The following ME1 variants were observed in gnomAD, a reference collection of about 807,000 sequenced individuals.
The protein encoded by ME1 is NADP-dependent malic enzyme.
Under a neutral mutation model 66.4 loss-of-function variants are expected in ME1, and 74 were observed. That is an observed-to-expected ratio of 1.11 (90% CI 0.92 to 1.35). The LOEUF (loss-of-function observed/expected upper bound fraction) is 1.35. Ranked by LOEUF, ME1 falls within the 40% of genes most tolerant of loss-of-function variation. The pLI, the probability that ME1 is intolerant of heterozygous loss-of-function variation, is 0.00. For synonymous variants in ME1, 251 were observed against 235.6 expected (o/e 1.07, Z -0.60); for missense variants, 750 against 694.1 (o/e 1.08, Z -0.90).
intron 4 of ME1, among the ~76,000 whole-genome samples, chr6:83,349,038 T>C (rs1420096271): frequency 6.6e-6 from 1 of 150,792 alleles, no homozygotes; most frequent in East Asian, 1.9e-4. Flanking sequence ...TCTTATTTCT[T>C]CATAACTTTT....
At chr6:83,260,638 C>A (rs1766864939) in intron 6 of ME1, among the ~76,000 whole-genome samples, 1 of 152,106 alleles carries the variant, frequency 6.6e-6, no homozygotes, top group Admixed American at 6.6e-5. Context: ...TGTTGTGCCC[C>A]TCTTTGTGTT....
At position 83,238,799 on chromosome 6, in the gene ME1, A is replaced by ATATATATAT. The variant is rs1554263094; in HGVS notation, c.912+739_912+740insATATATATA. Among the ~76,000 whole-genome samples the ATATATATAT allele has an allele frequency of 2.6e-3, 356 of 139,310 alleles. 3 individuals are homozygous for ATATATATAT. Among genetic ancestry groups the ATATATATAT allele is most frequent in the African/African-American group, 5.6e-3 (216 of 38,698 alleles). 91.4% of individuals were successfully genotyped at this position (139,310 alleles called of 152,430 possible). A position where few individuals can be genotyped will look rare whatever the true frequency, so the allele number is the denominator to read the frequency against. On this transcript the variant is annotated intron_variant, in intron 8 of 13. Transcript: ENST00000369705. ...TTTGAAAATTTAAAGTTTCTTGAAA[A>ATATATATAT]ATATATATATATATATATATAGCCA...
chr6:83,373,275 G>A (rs1214224656), intron 3 of ME1, among the ~76,000 whole-genome samples: 1 of 151,182 alleles, frequency 6.6e-6, no homozygotes, highest in Non-Finnish European at 1.5e-5. Context: ...TCACTTCATC[G>A]CCCAGGCTGG....
intron 7 of ME1, among the ~76,000 whole-genome samples, chr6:83,249,323 C>T (rs999626281): frequency 6.6e-6 from 1 of 151,718 alleles, no homozygotes; most frequent in Non-Finnish European, 1.5e-5. Flanking sequence ...CTTGCTGAAA[C>T]CTCCACCACC....
intron 6 of ME1, among the ~76,000 whole-genome samples, chr6:83,268,493 C>T (rs1767027617): frequency 6.6e-6 from 1 of 152,032 alleles, no homozygotes; most frequent in African/African-American, 2.4e-5. Flanking sequence ...CCCAAAAGTT[C>T]TCTTGTGGCC....
At chr6:83,329,703 A>G (rs1165344681) in intron 5 of ME1, among the ~76,000 whole-genome samples, 1 of 152,052 alleles carries the variant, frequency 6.6e-6, no homozygotes, top group Admixed American at 6.6e-5. Context: ...AAGTTTATTG[A>G]CCATTTTTAT....
chr6:83,321,083 CTG>C (rs536606045), intron 5 of ME1, among the ~76,000 whole-genome samples: 70 of 152,312 alleles, frequency 4.6e-4, no homozygotes, highest in Non-Finnish European at 8.8e-4. Flanking sequence ...CCAAGGGAAG[CTG>C]TGAGGGACCC....
At position 83,398,408 on chromosome 6, in the gene ME1, A is replaced by T. The variant is rs1451605321; in HGVS notation, c.321T>A (p.Gly107=). 2 of 1,598,844 alleles carry T rather than the reference A, an allele frequency of 1.3e-6. No homozygotes were observed. The highest frequency in any genetic ancestry group is 1.7e-6 in the Non-Finnish European group (2 of 1,174,026). The change falls in exon 3 of 14, where the codon GGT becomes GGA. Residue 107 remains glycine, a synonymous_variant. Transcript: ENST00000369705. Reference sequence around the variant, plus strand: ...CCAAACTATATTGTTGGCAAGCCAGACCCACAGTGGGAGTATAAACAATAG... The same window carrying T: ...CCAAACTATATTGTTGGCAAGCCAGTCCCACAGTGGGAGTATAAACAATAG... ...FMPIVYTPTV[G]LACQQYSLVF...
rs1226664631 is a variant in ME1, at chr6:83,381,192, T to C, written c.362+17175A>G. The stretch of plus-strand genomic sequence containing the variant: ...TAGCACTCCACCCCCACATTAATAA[T>C]ATTTTAATTAAAAAATAGGTGCACA... On this transcript the variant is annotated intron_variant, in intron 3 of 13. Coordinates refer to ENST00000369705, the MANE Select transcript of ME1 (RefSeq NM_002395.6). Among the ~76,000 whole-genome samples, 4 of 152,034 alleles carry C rather than the reference T, an allele frequency of 2.6e-5. No individual in the cohort carries two copies. The South Asian group carries it at 6.2e-4, about 24-fold the overall frequency.
intron 9 of ME1, chr6:83,229,287 A>C: frequency 2.8e-6 from 1 of 353,568 alleles, no homozygotes; most frequent in Non-Finnish European, 5.4e-6. Context: ...GTTTTATAGC[A>C]GGTCTCAGAA....
rs1769910044 is a variant in ME1, at chr6:83,404,910, C to G, written c.212+2858G>C. Among the ~76,000 whole-genome samples the G allele has an allele frequency of 2.6e-5, 4 of 152,106 alleles. No individual in the cohort carries two copies. The South Asian group carries it at 8.3e-4, about 32-fold the overall frequency. On this transcript the variant is annotated intron_variant, in intron 2 of 13. Coordinates refer to ENST00000369705, the MANE Select transcript of ME1 (RefSeq NM_002395.6). ...TACCATGTTGTTTTGCTTACTGTTG[C>G]CTTGTAGTATAGTTTGAAGTCAGGT...
intron 5 of ME1, among the ~76,000 whole-genome samples, chr6:83,321,973 CT>C (rs980969588): frequency 2.6e-5 from 4 of 152,226 alleles, no homozygotes; most frequent in Admixed American, 2.0e-4. Flanking sequence ...GCAATCTTTG[CT>C]GTTCTGCAGC....
At chr6:83,262,377 C>A (rs1766915516) in intron 6 of ME1, among the ~76,000 whole-genome samples, 1 of 152,252 alleles carries the variant, frequency 6.6e-6, no homozygotes, top group South Asian at 2.1e-4. Context: ...ATAAGGGATG[C>A]AGAAATTTAG....
rs1769661295 is a variant in ME1, at chr6:83,393,294, G to T, written c.362+5073C>A. 5.6e-6 allele frequency: 7 copies of T among 1,260,638 alleles called. No individual in the cohort carries two copies. The South Asian group carries it at 8.8e-5, about 16-fold the overall frequency. The allele number at this position is 1,260,638 out of a possible 1,614,324, so 78.1% of individuals were successfully genotyped here. A position where few individuals can be genotyped will look rare whatever the true frequency, so the allele number is the denominator to read the frequency against. ...CCCACTCTTCCACCTTCGATGCTGG[G>T]GCTGGCATTGCCCTCAACGACCACT... On this transcript the variant is annotated intron_variant, in intron 3 of 13. Transcript: ENST00000369705.
Position 83,342,314 on chromosome 6 carries a change from C to T in ME1, c.600+3859G>A, listed in dbSNP as rs566798787. Among the ~76,000 whole-genome samples, 29 of 152,166 alleles carry T rather than the reference C, an allele frequency of 1.9e-4. 1 individual carries two copies. In the South Asian group the frequency reaches 4.6e-3, roughly 24 times the overall value. ...CTTTTCTTGCTTTATTCTTTCCTTG[C>T]GTTGTGTGTTTTGTCCAATTCTTTG... On this transcript the variant is annotated intron_variant, in intron 5 of 13. Coordinates refer to ENST00000369705, the MANE Select transcript of ME1 (RefSeq NM_002395.6).
chr6:83,385,210 T>C (rs1460391159), intron 3 of ME1, among the ~76,000 whole-genome samples: 1 of 151,954 alleles, frequency 6.6e-6, no homozygotes, highest in African/African-American at 2.4e-5. Flanking sequence ...AGATGTGATT[T>C]GGGTAGAGGA....
chr6:83,266,455 C>T (rs1766990714), intron 6 of ME1, among the ~76,000 whole-genome samples: 1 of 152,118 alleles, frequency 6.6e-6, no homozygotes, highest in Non-Finnish European at 1.5e-5. Context: ...TTAGCACTCA[C>T]TTATCAATAA....
intron 6 of ME1, among the ~76,000 whole-genome samples, chr6:83,292,909 T>C (rs543337955): frequency 6.6e-6 from 1 of 152,270 alleles, no homozygotes; most frequent in South Asian, 2.1e-4. Flanking sequence ...ACTGCTGTGC[T>C]AGCAGTGAGC....
At chr6:83,292,970 C>T (rs1027899457) in intron 6 of ME1, among the ~76,000 whole-genome samples, 1 of 152,188 alleles carries the variant, frequency 6.6e-6, no homozygotes, top group Admixed American at 6.5e-5. Context: ...AGGGGATCTC[C>T]TGGTCTGCCG....
Sources: gnomAD v4.1 joint callset for allele counts (sites outside exome capture counted in the v4.1 genomes callset) on GRCh38, gnomAD v4.1.1 for gene constraint, MANE v1.5 for transcripts, NCBI Gene and HGNC (gene_info 2026-07-23, HGNC 2026-07-21) for gene names.